Variants in TGFBR3 observed in about 807,000 individuals in gnomAD.
The protein encoded by TGFBR3 is transforming growth factor beta receptor type 3.
In TGFBR3, 46 loss-of-function variants were observed where a neutral mutation model predicts 87.9. The observed-to-expected ratio is 0.52, with a 90% CI of 0.41 to 0.67. The LOEUF is 0.67. Ranked by LOEUF, TGFBR3 falls within the 30% of genes least tolerant of loss-of-function variation. The probability of loss-of-function intolerance (pLI) is 0.00; values close to 1 mark genes in which losing one functional copy is unlikely to be tolerated. For synonymous variants in TGFBR3, 381 were observed against 391.6 expected, an observed-to-expected ratio of 0.97 and a Z score of 0.32; for missense variants, 866 against 1,041.9, an observed-to-expected ratio of 0.83 and a Z score of 2.32.
intron 3 of TGFBR3, among the ~76,000 whole-genome samples, chr1:91,762,933 TC>T (rs11334581): frequency 0.42 from 63,537 of 152,056 alleles, 13,881 homozygotes; most frequent in Middle Eastern, 0.47. Context: ...AAACACTACC[TC>T]CCTATCTCTC....
chr1:91,902,217 C>G (rs1679735327), intron 1 of TGFBR3, among the ~76,000 whole-genome samples: 1 of 151,724 alleles, frequency 6.6e-6, no homozygotes, highest in African/African-American at 2.4e-5. Flanking sequence ...CTTTTCACTC[C>G]TCCATTAGAG....
chr1:91,790,810 GT>G (rs1383504573), intron 3 of TGFBR3, among the ~76,000 whole-genome samples: 2 of 152,186 alleles, frequency 1.3e-5, no homozygotes, highest in East Asian at 1.9e-4. Flanking sequence ...AATGTAGCTA[GT>G]TTAATGTTTT....
chr1:91,898,769 C>G (rs1679614561), intron 2 of TGFBR3, among the ~76,000 whole-genome samples: 1 of 152,140 alleles, frequency 6.6e-6, no homozygotes. Flanking sequence ...AATTTGTTAT[C>G]TTTCCTATAA....
intron 1 of TGFBR3, among the ~76,000 whole-genome samples, chr1:91,872,546 A>G (rs1678621919): frequency 1.3e-5 from 2 of 152,242 alleles, no homozygotes; most frequent in Admixed American, 6.5e-5. Flanking sequence ...CATCTGGCCT[A>G]AAAGTCTCAA....
intron 2 of TGFBR3, among the ~76,000 whole-genome samples, chr1:91,855,724 G>C (rs2101164544): frequency 6.6e-6 from 1 of 152,260 alleles, no homozygotes; most frequent in East Asian, 1.9e-4. Context: ...CACAAGTATA[G>C]ACGAGTTTTT....
chr1:91,732,489 G>A (rs967279955), intron 5 of TGFBR3, among the ~76,000 whole-genome samples: 5 of 152,154 alleles, frequency 3.3e-5, no homozygotes, highest in Admixed American at 6.5e-5. Context: ...AGAACTGCTC[G>A]GGTTAGAGCA....
intron 4 of TGFBR3, among the ~76,000 whole-genome samples, chr1:91,740,775 A>T (rs1365087425): frequency 6.6e-6 from 1 of 152,208 alleles, no homozygotes; most frequent in Non-Finnish European, 1.5e-5. Flanking sequence ...CTACCAGTCC[A>T]TGCTCCAGAC....
chr1:91,721,723 C>T lies in TGFBR3; in HGVS notation c.1075+232G>A, dbSNP rs563583851. ...CCTAATGTAATCACACTAAAGATAACCTATAACAAAGTTCTCTGAATATGC... is the reference window on the plus strand; with the variant it reads ...CCTAATGTAATCACACTAAAGATAATCTATAACAAAGTTCTCTGAATATGC... On this transcript the variant is annotated intron_variant, in intron 8 of 16. Coordinates refer to ENST00000212355, the MANE Select transcript of TGFBR3 (RefSeq NM_003243.5). Among the ~76,000 whole-genome samples, 3 of 152,002 alleles carry T rather than the reference C, an allele frequency of 2.0e-5. No individual in the cohort carries two copies. The East Asian group carries it at 5.8e-4, about 29-fold the overall frequency.
intron 1 of TGFBR3, among the ~76,000 whole-genome samples, chr1:91,871,543 T>C (rs1678582130): frequency 6.6e-6 from 1 of 151,866 alleles, no homozygotes; most frequent in East Asian, 1.9e-4. Flanking sequence ...GAAAGGAAAA[T>C]AAAGCAGGTT....
chr1:91,804,435 T>A (rs1369135166), intron 2 of TGFBR3, among the ~76,000 whole-genome samples: 1 of 152,198 alleles, frequency 6.6e-6, no homozygotes, highest in Non-Finnish European at 1.5e-5. Flanking sequence ...CTAGCCTTCC[T>A]GTCCCTTTCC....
At chr1:91,747,086 G>A (rs1673375612) in intron 4 of TGFBR3, among the ~76,000 whole-genome samples, 1 of 152,304 alleles carries the variant, frequency 6.6e-6, no homozygotes, top group Admixed American at 6.5e-5. Flanking sequence ...CTGGGGCTCT[G>A]AGCAATTAGA....
intron 9 of TGFBR3, 82 bp downstream of exon 9, chr1:91,719,811 T>C (rs1348571337): frequency 1.4e-6 from 2 of 1,468,688 alleles, no homozygotes; most frequent in African/African-American, 1.4e-5. Flanking sequence ...ATGAAAGAGA[T>C]AGGGAGAAAT....
At chr1:91,686,516 C>T (rs894973829) in intron 16 of TGFBR3, among the ~76,000 whole-genome samples, 2 of 152,202 alleles carry the variant, frequency 1.3e-5, no homozygotes, top group African/African-American at 4.8e-5. Flanking sequence ...TTCAGACCAT[C>T]CTTTCCAGTT....
chr1:91,716,395 C>A lies in TGFBR3; in HGVS notation c.1708-1G>T, dbSNP rs1329155521. 6.2e-7 allele frequency: 1 copy of A among 1,614,132 alleles called. No homozygotes were observed. Among genetic ancestry groups the A allele is most frequent in the Admixed American group, 1.7e-5 (1 of 60,010 alleles). On this transcript the variant is annotated splice_acceptor_variant, in intron 11 of 16. Coordinates refer to ENST00000212355, the MANE Select transcript of TGFBR3 (RefSeq NM_003243.5). LOFTEE classifies it high-confidence loss of function. ...TCACCTGCTGAAGGCTGCAATTAAA[C>A]TGGAAATAACAACCCACAGGAAGAT...
rs146918650 is a variant in TGFBR3 at position 91,727,660 on chromosome 1, A to G, written c.884T>C (p.Ile295Thr). ...SFDVKGSLKI[I>T]APNSIGFGKE... Reference sequence around the variant, plus strand: ...AAAAGACATGCTCCACCAACTTACAATAATTTTCAGGCTTCCCTTAACATC... The same window carrying G: ...AAAAGACATGCTCCACCAACTTACAGTAATTTTCAGGCTTCCCTTAACATC... The change falls in exon 7 of 17, where the codon ATT (isoleucine) becomes ACT (threonine). Residue 295 changes from isoleucine (I) to threonine (T), a missense_variant and splice_region_variant. Physicochemically the swap from Ile to Thr is moderately conservative, Grantham distance 89. Transcript: ENST00000212355. 15 of 1,613,988 alleles carry G rather than the reference A, an allele frequency of 9.3e-6. No individual in the cohort carries two copies. The African/African-American group carries it at 1.7e-4, about 19-fold the overall frequency.
At chr1:91,697,818 T>C (rs977487721) in intron 15 of TGFBR3, among the ~76,000 whole-genome samples, 2 of 152,204 alleles carry the variant, frequency 1.3e-5, no homozygotes, top group African/African-American at 4.8e-5. Context: ...CTAAATAAGT[T>C]ACTACCTTCC....
rs538573114 is a variant in TGFBR3, at chr1:91,807,468, T to C, written c.62-9997A>G. ...TTTTTGGGCCAAAAGCCAGTGCATA[T>C]TTGTGTATTGTTGTGTTGAAATCAT... On this transcript the variant is annotated intron_variant, in intron 2 of 16. Coordinates refer to ENST00000212355, the MANE Select transcript of TGFBR3 (RefSeq NM_003243.5). 3.3e-5 allele frequency among the ~76,000 whole-genome samples: 5 copies of C among 152,294 alleles called. No individual in the cohort carries two copies. In the South Asian group the frequency reaches 6.2e-4, roughly 19 times the overall value.
At chr1:91,839,598 T>C (rs1448699580) in intron 2 of TGFBR3, among the ~76,000 whole-genome samples, 6 of 152,170 alleles carry the variant, frequency 3.9e-5, no homozygotes, top group Non-Finnish European at 8.8e-5. Flanking sequence ...ATCACCTCTA[T>C]GGTATTCTTC....
At chr1:91,873,451 T>C (rs1678666977) in intron 1 of TGFBR3, among the ~76,000 whole-genome samples, 1 of 151,722 alleles carries the variant, frequency 6.6e-6, no homozygotes, top group Non-Finnish European at 1.5e-5. Flanking sequence ...CCCAGCTAAT[T>C]TTTGTATTTT....
Sources: gnomAD v4.1 joint callset for allele counts (sites outside exome capture counted in the v4.1 genomes callset) on GRCh38, gnomAD v4.1.1 for gene constraint, MANE v1.5 for transcripts, NCBI Gene and HGNC (gene_info 2026-07-23, HGNC 2026-07-21) for gene names.